AGBL4: variants seen among roughly 807,000 people sequenced by gnomAD.
AGBL4 encodes cytosolic carboxypeptidase 6.
In AGBL4, 58 loss-of-function variants were observed where a neutral mutation model predicts 66.4. The observed-to-expected ratio is 0.87, with a 90% confidence interval of 0.71 to 1.09. AGBL4 has a LOEUF of 1.09. AGBL4 is among the 50% of genes least tolerant of loss of function. The pLI, the probability that AGBL4 is intolerant of heterozygous loss-of-function variation, is 0.00. For synonymous variants in AGBL4, 234 were observed against 222.9 expected (o/e 1.05, Z -0.44); for missense variants, 579 against 631.0 (o/e 0.92, Z 0.88).
At chr1:49,392,698 TAC>T (rs55786055) in intron 3 of AGBL4, among the ~76,000 whole-genome samples, 17,279 of 147,452 alleles carry the variant, frequency 0.12, 1,763 homozygotes, top group African/African-American at 0.28. Context: ...CAACTGTGTA[TAC>T]ACACACACAC....
rs190778003 is a variant in AGBL4, at chr1:49,796,442, T to C, written c.157+54954A>G. 6.8e-4 allele frequency among the ~76,000 whole-genome samples: 103 copies of C among 151,718 alleles called. No homozygotes were observed. The East Asian group carries it at 0.019, about 27-fold the overall frequency. On this transcript the variant is annotated intron_variant, in intron 2 of 13. Coordinates refer to ENST00000371839, the MANE Select transcript of AGBL4 (RefSeq NM_032785.4). ...ACACTAGTGATTAAATGCTCAACAA[T>C]AGGGAAATCACTAAATAATTCCAAC...
intron 2 of AGBL4, among the ~76,000 whole-genome samples, chr1:49,791,201 C>T (rs749694611): frequency 9.3e-5 from 14 of 150,578 alleles, no homozygotes; most frequent in Non-Finnish European, 2.1e-4. Flanking sequence ...AGAGCAACTG[C>T]GATAAATGAA....
intron 2 of AGBL4, among the ~76,000 whole-genome samples, chr1:49,846,939 A>C (rs1450767862): frequency 6.6e-6 from 1 of 152,234 alleles, no homozygotes; most frequent in East Asian, 1.9e-4. Context: ...CCTAAAATTC[A>C]TATTGTACCC....
intron 5 of AGBL4, among the ~76,000 whole-genome samples, chr1:48,958,197 A>G (rs1423091793): frequency 6.6e-6 from 1 of 151,884 alleles, no homozygotes; most frequent in Non-Finnish European, 1.5e-5. Flanking sequence ...CCTCTTCTTC[A>G]TGTGCCATTA....
intron 4 of AGBL4, among the ~76,000 whole-genome samples, chr1:49,194,481 T>A (rs1295752996): frequency 2.0e-5 from 3 of 152,202 alleles, no homozygotes; most frequent in African/African-American, 7.2e-5. Flanking sequence ...CCAGTCTATA[T>A]TTTTTAAGTG....
chr1:49,599,024 C>T (rs61783609), intron 3 of AGBL4, among the ~76,000 whole-genome samples: 3,803 of 152,148 alleles, frequency 0.025, 142 homozygotes, highest in Admixed American at 0.11. Flanking sequence ...TGAGGATTTT[C>T]GCATCATTGT....
At chr1:48,978,184 T>C (rs1196072087) in intron 5 of AGBL4, among the ~76,000 whole-genome samples, 1 of 152,186 alleles carries the variant, frequency 6.6e-6, no homozygotes, top group African/African-American at 2.4e-5. Context: ...TGTATGGAAA[T>C]GTGAGTATAG....
chr1:49,176,716 C>A (rs1350818489), intron 4 of AGBL4, among the ~76,000 whole-genome samples: 1 of 151,984 alleles, frequency 6.6e-6, no homozygotes, highest in Admixed American at 6.6e-5. Context: ...AATTTTAATA[C>A]CCTATATAAA....
chr1:49,865,821 G>T (rs1646686048), intron 1 of AGBL4: 2 of 208,986 alleles, frequency 9.6e-6, no homozygotes, highest in Non-Finnish European at 2.1e-5. Flanking sequence ...AGAGCTAAAG[G>T]AGCATGTTCT....
chr1:49,930,736 A>G (rs142630125), intron 1 of AGBL4, among the ~76,000 whole-genome samples: 1 of 152,146 alleles, frequency 6.6e-6, no homozygotes, highest in African/African-American at 2.4e-5. Context: ...TAAGATTCTC[A>G]GCAAAATAGG....
chr1:48,830,505 T>C (rs1263777304), intron 6 of AGBL4, among the ~76,000 whole-genome samples: 1 of 152,200 alleles, frequency 6.6e-6, no homozygotes, highest in East Asian at 1.9e-4. Context: ...CCTCTTGAGG[T>C]CAGGGGACCA....
At chr1:49,060,857 A>C (rs948760701) in intron 4 of AGBL4, among the ~76,000 whole-genome samples, 2 of 152,212 alleles carry the variant, frequency 1.3e-5, no homozygotes, top group Admixed American at 1.3e-4. Flanking sequence ...AAGACTGAGG[A>C]GTAGATCATG....
At chr1:49,443,955 A>ATTTGTTTCCATTTTCT (rs1646095708) in intron 3 of AGBL4, among the ~76,000 whole-genome samples, 1 of 151,604 alleles carries the variant, frequency 6.6e-6, no homozygotes, top group African/African-American at 2.4e-5. Context: ...AGGTTTTCTT[A>ATTTGTTTCCATTTTCT]TATTGTGCTT....
intron 1 of AGBL4, among the ~76,000 whole-genome samples, chr1:49,990,855 A>C (rs966735454): frequency 6.6e-6 from 1 of 152,234 alleles, no homozygotes; most frequent in African/African-American, 2.4e-5. Context: ...GTTTAGCACA[A>C]TGACTTTTAC....
At chr1:49,669,080 A>G (rs1646425200) in intron 3 of AGBL4, among the ~76,000 whole-genome samples, 1 of 152,202 alleles carries the variant, frequency 6.6e-6, no homozygotes, top group African/African-American at 2.4e-5. Context: ...ATATGCAATG[A>G]TCTTTACAAC....
At chr1:49,619,472 A>G (rs1645314621) in intron 3 of AGBL4, among the ~76,000 whole-genome samples, 1 of 152,208 alleles carries the variant, frequency 6.6e-6, no homozygotes, top group South Asian at 2.1e-4. Context: ...ATAAGAGAGG[A>G]CACAATCAAA....
At chr1:49,906,613 T>C (rs1650300983) in intron 1 of AGBL4, among the ~76,000 whole-genome samples, 1 of 151,902 alleles carries the variant, frequency 6.6e-6, no homozygotes, top group Admixed American at 6.6e-5. Flanking sequence ...ATATCTCAAA[T>C]GCTAAAAAAA....
At chr1:49,295,558 G>C (rs1644627535) in intron 3 of AGBL4, among the ~76,000 whole-genome samples, 1 of 152,174 alleles carries the variant, frequency 6.6e-6, no homozygotes. Context: ...AAACTAGGAA[G>C]TCAGAAGTAA....
intron 6 of AGBL4, among the ~76,000 whole-genome samples, chr1:48,802,082 A>G (rs545006026): frequency 2.6e-5 from 4 of 152,148 alleles, no homozygotes; most frequent in Non-Finnish European, 5.9e-5. Flanking sequence ...CAGTTGATAG[A>G]AAGTTTCAGG....
Sources: gnomAD v4.1 joint callset for allele counts (sites outside exome capture counted in the v4.1 genomes callset) on GRCh38, gnomAD v4.1.1 for gene constraint, MANE v1.5 for transcripts, NCBI Gene and HGNC (gene_info 2026-07-23, HGNC 2026-07-21) for gene names.